STRN3: variants seen among roughly 807,000 people sequenced by gnomAD.
STRN3 encodes striatin 3.
Under a neutral mutation model 95.6 loss-of-function variants are expected in STRN3, and 29 were observed. The observed-to-expected ratio is 0.30, with a 90% CI of 0.23 to 0.41. The LOEUF is 0.41. Among genes scored for constraint, STRN3 ranks in the 10% least tolerant of loss-of-function variants. The pLI, the probability that STRN3 is intolerant of heterozygous loss-of-function variation, is 1.00. For missense variants in STRN3, 890 were observed against 972.1 expected, an observed-to-expected ratio of 0.92 and a Z score of 1.12; for synonymous variants, 331 against 357.6, an observed-to-expected ratio of 0.93 and a Z score of 0.84.
At chr14:30,916,138 C>T (rs1413307266) in intron 9 of STRN3, among the ~76,000 whole-genome samples, 1 of 152,102 alleles carries the variant, frequency 6.6e-6, no homozygotes, top group Non-Finnish European at 1.5e-5. Flanking sequence ...ACAGCAGCTA[C>T]TCATCTGTTT....
intron 3 of STRN3, among the ~76,000 whole-genome samples, chr14:30,954,140 T>C (rs1222284547): frequency 6.6e-6 from 1 of 152,204 alleles, no homozygotes; most frequent in Non-Finnish European, 1.5e-5. Context: ...TAATAACTAA[T>C]AAAAATCAAG....
At chr14:31,022,977 G>A (rs142454131) in intron 1 of STRN3, among the ~76,000 whole-genome samples, 1 of 152,194 alleles carries the variant, frequency 6.6e-6, no homozygotes, top group East Asian at 1.9e-4. Flanking sequence ...TTTTTAAGGG[G>A]GGAATCTCCT....
chr14:30,972,368 G>A (rs1237642658), intron 1 of STRN3, among the ~76,000 whole-genome samples: 1 of 152,150 alleles, frequency 6.6e-6, no homozygotes, highest in Admixed American at 6.5e-5. Flanking sequence ...GTCAACAGGG[G>A]AATGACACAG....
At chr14:30,960,626 T>C (rs555885381) in intron 1 of STRN3, among the ~76,000 whole-genome samples, 1 of 151,936 alleles carries the variant, frequency 6.6e-6, no homozygotes, top group East Asian at 1.9e-4. Flanking sequence ...TCCCAGCACT[T>C]TGGGAGGCTG....
At chr14:30,984,953 T>C (rs999561198) in intron 1 of STRN3, among the ~76,000 whole-genome samples, 10 of 152,194 alleles carry the variant, frequency 6.6e-5, no homozygotes, top group African/African-American at 2.4e-4. Context: ...AGGATCTTTC[T>C]TTTTATGAAG....
intron 5 of STRN3, among the ~76,000 whole-genome samples, chr14:30,942,311 C>G (rs1029111132): frequency 3.3e-5 from 5 of 152,092 alleles, no homozygotes; most frequent in African/African-American, 1.2e-4. Context: ...GTGACTTTAA[C>G]CTACCATATT....
chr14:30,954,967 C>A (rs1879830334), intron 3 of STRN3, among the ~76,000 whole-genome samples: 1 of 150,002 alleles, frequency 6.7e-6, no homozygotes, highest in East Asian at 1.9e-4. Context: ...GGTGAAGTCA[C>A]TCTACTCCCT....
chr14:31,016,970 C>T (rs1883266632), intron 1 of STRN3, among the ~76,000 whole-genome samples: 1 of 151,564 alleles, frequency 6.6e-6, no homozygotes, highest in South Asian at 2.1e-4. Context: ...GCCTCAGCAA[C>T]TTAGCAAAAC....
chr14:30,999,806 G>A (rs1345658238), intron 1 of STRN3, among the ~76,000 whole-genome samples: 2 of 152,146 alleles, frequency 1.3e-5, no homozygotes, highest in Non-Finnish European at 2.9e-5. Flanking sequence ...ACACATCCAA[G>A]AGGCTCAACG....
At position 30,969,453 on chromosome 14, in the gene STRN3, A is replaced by G. The variant is rs548351821; in HGVS notation, c.283-13211T>C. Among the ~76,000 whole-genome samples the G allele has an allele frequency of 3.3e-5, 5 of 152,242 alleles. No homozygotes were observed. In the South Asian group the frequency reaches 1.0e-3, roughly 32 times the overall value. On this transcript the variant is annotated intron_variant, in intron 1 of 17. Coordinates refer to ENST00000357479, the MANE Select transcript of STRN3 (RefSeq NM_001083893.2). The stretch of plus-strand genomic sequence containing the variant: ...CTCTGTCTCCAAAAAAAAAAAGTCT[A>G]TAAAAATCTTACCTTATGCTCAGAC...
chr14:30,985,560 C>T (rs1354338654), intron 1 of STRN3, among the ~76,000 whole-genome samples: 1 of 150,676 alleles, frequency 6.6e-6, no homozygotes, highest in Non-Finnish European at 1.5e-5. Flanking sequence ...GCCAAGATCA[C>T]GCATTGTACT....
Position 31,025,903 on chromosome 14 carries a change from C to A in STRN3, c.282+1G>T. Reference sequence around the variant, plus strand: ...CCCGCACACCGACCCCAACGAGGTACCTGCAGTTCGGCCCGTTCCACCTCC... The same window carrying A: ...CCCGCACACCGACCCCAACGAGGTAACTGCAGTTCGGCCCGTTCCACCTCC... On this transcript the variant is annotated splice_donor_variant, in intron 1 of 17. Coordinates refer to ENST00000357479, the MANE Select transcript of STRN3 (RefSeq NM_001083893.2). LOFTEE classifies it high-confidence loss of function. 2 of 1,600,226 alleles carry A rather than the reference C, an allele frequency of 1.2e-6. No individual in the cohort carries two copies. Among genetic ancestry groups the A allele is most frequent in the Non-Finnish European group, 1.7e-6 (2 of 1,173,984 alleles).
chr14:30,913,735 C>T, intron 9 of STRN3, 78 bp from the exon 10 acceptor site: 3 of 1,458,838 alleles, frequency 2.1e-6, no homozygotes, highest in Non-Finnish European at 2.8e-6. Context: ...AATTTAAGCA[C>T]TTAACAGTTA....
At chr14:30,919,179 A>G (rs1285492280) in intron 8 of STRN3, 73 bp from the exon 9 acceptor site, 3 of 1,380,574 alleles carry the variant, frequency 2.2e-6, no homozygotes, top group Middle Eastern at 2.3e-4. Flanking sequence ...TTTAAAACCA[A>G]TTTATTAACA....
intron 1 of STRN3, among the ~76,000 whole-genome samples, chr14:31,015,550 T>G (rs1883200672): frequency 6.6e-6 from 1 of 151,908 alleles, no homozygotes; most frequent in African/African-American, 2.4e-5. Context: ...TTTTTGTATT[T>G]TTAGTAGAGA....
chr14:30,924,763 T>C lies in STRN3; in HGVS notation c.1099+4438A>G, dbSNP rs147391105. 3.8e-3 allele frequency among the ~76,000 whole-genome samples: 572 copies of C among 152,194 alleles called. 3 individuals are homozygous for C. The highest frequency in any genetic ancestry group is 0.013 in the African/African-American group (538 of 41,520). On this transcript the variant is annotated intron_variant, in intron 8 of 17. Coordinates refer to ENST00000357479, the MANE Select transcript of STRN3 (RefSeq NM_001083893.2). The stretch of plus-strand genomic sequence containing the variant: ...TCCCAGCAAGGCGGGAGTGGAAAGA[T>C]TGCTTGAGCTCAGGAGTTTGAGGTT...
At chr14:30,926,626 T>A (rs903377239) in intron 8 of STRN3, among the ~76,000 whole-genome samples, 2 of 151,952 alleles carry the variant, frequency 1.3e-5, no homozygotes, top group Admixed American at 1.3e-4. Flanking sequence ...TTACTTCTTA[T>A]AAGTACTTCT....
chr14:30,962,538 T>C (rs571505072), intron 1 of STRN3, among the ~76,000 whole-genome samples: 2 of 152,144 alleles, frequency 1.3e-5, no homozygotes, highest in South Asian at 4.1e-4. Context: ...CCATTTGTTA[T>C]CTTTCTTTTT....
At chr14:30,947,421 C>T (rs1027171844) in intron 4 of STRN3, among the ~76,000 whole-genome samples, 158 bp from the exon 5 acceptor site, 2 of 152,094 alleles carry the variant, frequency 1.3e-5, no homozygotes, top group Non-Finnish European at 2.9e-5. Context: ...TCTAAGAGAA[C>T]AATACCAAAT....
Sources: allele counts gnomAD v4.1 joint callset (sites outside exome capture counted in the v4.1 genomes callset), GRCh38; gene constraint gnomAD v4.1.1; transcripts MANE v1.5; gene names NCBI Gene and HGNC (gene_info 2026-07-23, HGNC 2026-07-21).